The following ADAM23 variants were observed in gnomAD, a reference collection of about 807,000 sequenced individuals.
The protein encoded by ADAM23 is disintegrin and metalloproteinase domain-containing protein 23.
Under a neutral mutation model 120.1 loss-of-function variants are expected in ADAM23, and 33 were observed. The observed-to-expected ratio is 0.27, with a 90% CI of 0.21 to 0.37. The LOEUF is 0.37. Ranked by LOEUF, ADAM23 falls within the 10% of genes least tolerant of loss-of-function variation. The pLI is 1.00. For missense variants in ADAM23, 862 were observed against 1,058.2 expected (o/e 0.81, Z 2.57); for synonymous variants, 367 against 375.2 (o/e 0.98, Z 0.25).
At chr2:206,507,362 T>G (rs1002631507) in intron 3 of ADAM23, among the ~76,000 whole-genome samples, 6 of 152,124 alleles carry the variant, frequency 3.9e-5, no homozygotes, top group African/African-American at 1.4e-4. Context: ...CTCACAATAG[T>G]GAGTTGAGTT....
In ADAM23 at chr2:206,592,620, T is replaced by C. The variant is rs770122152; in HGVS notation, c.1962T>C (p.Asp654=). The C allele has an allele frequency of 6.2e-7, 1 of 1,614,018 alleles. No homozygotes were observed. The change falls in exon 22 of 26, where the codon GAT becomes GAC. Residue 654 remains aspartate (D), a synonymous_variant. Coordinates refer to ENST00000264377, the MANE Select transcript of ADAM23 (RefSeq NM_003812.4). ...GDRWIQCSKH[D]VFCGFLLCTN... ...TGTTTTCTTTACACATGTTCAGTGA[T>C]GTGTTCTGTGGATTCTTACTCTGTA... is the stretch of plus-strand genomic sequence containing the variant.
chr2:206,555,123 C>T (rs1347062035), intron 9 of ADAM23, among the ~76,000 whole-genome samples: 2 of 152,096 alleles, frequency 1.3e-5, no homozygotes, highest in Non-Finnish European at 1.5e-5. Context: ...ACTTTAAACT[C>T]GTTATTCCCT....
rs115329033 is a variant in ADAM23 at position 206,557,695 on chromosome 2, C to T, written c.1005+197C>T. 6.9e-3 allele frequency among the ~76,000 whole-genome samples: 1,055 copies of T among 152,248 alleles called. 8 individuals are homozygous for T. The highest frequency in any genetic ancestry group is 9.9e-3 in the Non-Finnish European group (673 of 68,018). On this transcript the variant is annotated intron_variant, in intron 10 of 25. Transcript: ENST00000264377. ...CAGATGACTGAGTTATTCCCGGAATCCCAAAGATACATTAGTGTTGCTTCT... is the reference window on the plus strand; with the variant it reads ...CAGATGACTGAGTTATTCCCGGAATTCCAAAGATACATTAGTGTTGCTTCT...
intron 3 of ADAM23, among the ~76,000 whole-genome samples, chr2:206,518,837 G>C (rs554116751): frequency 2.2e-4 from 33 of 152,250 alleles, no homozygotes; most frequent in African/African-American, 7.5e-4. Flanking sequence ...TGTTCTTTCA[G>C]CACCTTCTGA....
intron 3 of ADAM23, among the ~76,000 whole-genome samples, chr2:206,529,528 A>T (rs976300451): frequency 1.3e-5 from 2 of 151,996 alleles, no homozygotes; most frequent in African/African-American, 4.8e-5. Flanking sequence ...GCTCCCTAGT[A>T]GTTGGGACCA....
chr2:206,568,475 T>C (rs1273576299), intron 15 of ADAM23, among the ~76,000 whole-genome samples: 1 of 152,158 alleles, frequency 6.6e-6, no homozygotes, highest in Non-Finnish European at 1.5e-5. Context: ...ATTAACTGAT[T>C]ATAGGGTGTG....
At chr2:206,520,533 AT>A (rs1271090562) in intron 3 of ADAM23, among the ~76,000 whole-genome samples, 2 of 152,060 alleles carry the variant, frequency 1.3e-5, no homozygotes, top group East Asian at 1.9e-4. Context: ...TCTTCTTCTT[AT>A]TTTTTTCTCT....
At chr2:206,577,991 A>G (rs944734221) in intron 18 of ADAM23, among the ~76,000 whole-genome samples, 4 of 151,842 alleles carry the variant, frequency 2.6e-5, no homozygotes, top group Non-Finnish European at 5.9e-5. Flanking sequence ...TGTGGTTTTG[A>G]TTTGCATTTC....
chr2:206,453,579 A>G (rs1695238733), intron 2 of ADAM23, among the ~76,000 whole-genome samples: 1 of 152,342 alleles, frequency 6.6e-6, no homozygotes, highest in East Asian at 1.9e-4. Context: ...GAGTCTTTGT[A>G]TTTAGAATTT....
intron 22 of ADAM23, 106 bp downstream of exon 22, chr2:206,592,842 A>G: frequency 7.3e-7 from 1 of 1,362,244 alleles, no homozygotes; most frequent in Admixed American, 2.3e-5. Flanking sequence ...AGTTTTTACA[A>G]GAGGAAAGTT....
At chr2:206,589,311 T>C (rs1050482171) in intron 20 of ADAM23, 98 bp from the exon 21 acceptor site, 3 of 917,370 alleles carry the variant, frequency 3.3e-6, no homozygotes, top group African/African-American at 1.7e-5. Context: ...TTTTCCTTGC[T>C]CTGGAGAATC....
chr2:206,550,118 A>C lies in ADAM23; in HGVS notation c.891A>C (p.Glu297Asp). Residue 297 changes from glutamate (E) to aspartate (D), a missense_variant, in exon 9 of 26, where the codon GAA (glutamate) becomes GAC (aspartate). This residue lies in a region of ADAM23 where 617 missense variants were observed against 813.5 expected (regional missense o/e 0.76). Coordinates refer to ENST00000264377, the MANE Select transcript of ADAM23 (RefSeq NM_003812.4). ...AGCCATCACGTGGTATATTTGAAGA[A>C]ATGAAATATTTGGAACTTATGATTG... is the stretch of plus-strand genomic sequence containing the variant. ...AVNPSRGIFE[E>D]MKYLELMIVN... 6.3e-7 allele frequency: 1 copy of C among 1,584,936 alleles called. No individual in the cohort carries two copies. Among genetic ancestry groups the C allele is most frequent in the Non-Finnish European group, 8.6e-7 (1 of 1,157,228 alleles).
intron 3 of ADAM23, among the ~76,000 whole-genome samples, chr2:206,512,045 A>G (rs1272288557): frequency 6.6e-6 from 1 of 152,228 alleles, no homozygotes; most frequent in Non-Finnish European, 1.5e-5. Context: ...CACTAGGTGC[A>G]GATGACTGGG....
intron 3 of ADAM23, among the ~76,000 whole-genome samples, chr2:206,511,853 C>A (rs1187665257): frequency 6.6e-6 from 1 of 151,976 alleles, no homozygotes; most frequent in African/African-American, 2.4e-5. Flanking sequence ...TGCAAGGAAT[C>A]CAAATAAGGA....
At chr2:206,557,645 TCA>T (rs1697673149) in intron 10 of ADAM23, 147 bp downstream of exon 10, 1 of 737,826 alleles carries the variant, frequency 1.4e-6, no homozygotes. Flanking sequence ...ATGGTCCGCT[TCA>T]CAGAGTAGTG....
At chr2:206,573,021 G>A (rs1698036063) in intron 17 of ADAM23, 94 bp from the exon 18 acceptor site, 7 of 1,229,484 alleles carry the variant, frequency 5.7e-6, no homozygotes, top group Admixed American at 1.7e-5. Context: ...TTAGTTATGC[G>A]AGAGTATAGG....
At chr2:206,616,055 T>C (rs551963850) in intron 25 of ADAM23, among the ~76,000 whole-genome samples, 195 of 152,316 alleles carry the variant, frequency 1.3e-3, no homozygotes, top group African/African-American at 4.5e-3. Flanking sequence ...GCTCACAAGA[T>C]TGGGGCCTCT....
intron 2 of ADAM23, among the ~76,000 whole-genome samples, chr2:206,472,050 G>A (rs1176287241): frequency 1.3e-5 from 2 of 152,212 alleles, no homozygotes; most frequent in African/African-American, 4.8e-5. Context: ...TATAGAAGAC[G>A]TTTCATATAC....
At chr2:206,584,865 G>A (rs1294979443) in intron 18 of ADAM23, among the ~76,000 whole-genome samples, 3 of 152,148 alleles carry the variant, frequency 2.0e-5, no homozygotes, top group African/African-American at 4.8e-5. Flanking sequence ...TCCCTATGGT[G>A]CTAGGCAGGA....
Sources: allele counts gnomAD v4.1 joint callset (sites outside exome capture counted in the v4.1 genomes callset), GRCh38; gene constraint gnomAD v4.1.1; regional missense constraint gnomAD v4.1.1; transcripts MANE v1.5; gene names NCBI Gene and HGNC (gene_info 2026-07-23, HGNC 2026-07-21).